The following DAB1 variants were observed in gnomAD, a reference collection of about 807,000 sequenced individuals.
DAB1 encodes DAB adaptor protein 1.
Under a neutral mutation model 64.6 loss-of-function variants are expected in DAB1, and 15 were observed. That is an observed-to-expected ratio of 0.23 (90% confidence interval 0.16 to 0.36). The LOEUF (loss-of-function observed/expected upper bound fraction) is 0.36. DAB1 is among the 10% of genes least tolerant of loss of function. The pLI is 1.00. For synonymous variants in DAB1, 235 were observed against 251.9 expected (o/e 0.93, Z 0.64); for missense variants, 596 against 706.7 (o/e 0.84, Z 1.78).
At chr1:57,208,442 G>T (rs2100317864) in intron 2 of DAB1, among the ~76,000 whole-genome samples, 1 of 152,264 alleles carries the variant, frequency 6.6e-6, no homozygotes, top group East Asian at 1.9e-4. Flanking sequence ...TTCCTGTTTA[G>T]GTACCATGGA....
At chr1:58,275,617 G>T (rs1661425045) in intron 4 of DAB1, among the ~76,000 whole-genome samples, 1 of 152,134 alleles carries the variant, frequency 6.6e-6, no homozygotes, top group Admixed American at 6.5e-5. Flanking sequence ...CAGTGAGATA[G>T]CAACTTATAC....
intron 2 of DAB1, among the ~76,000 whole-genome samples, chr1:57,166,748 C>T (rs529955782): frequency 6.6e-6 from 1 of 152,284 alleles, no homozygotes; most frequent in South Asian, 2.1e-4. Context: ...TGTAAAAGAC[C>T]TTACATCTAA....
intron 3 of DAB1, among the ~76,000 whole-genome samples, chr1:58,496,099 GTA>G (rs1010799440): frequency 2.0e-5 from 3 of 151,828 alleles, no homozygotes; most frequent in African/African-American, 7.3e-5. Context: ...ATGTACAAAT[GTA>G]TCTTTCCCAT....
rs143748682 is a variant in DAB1, at chr1:58,142,646, C to T, written n.387+7865G>A. On this transcript the variant is annotated intron_variant and non_coding_transcript_variant, in intron 5 of 20. Coordinates refer to the DAB1 transcript ENST00000485760. ...GGGAAGAAAAGGAAGAGAAGGTAAC[C>T]TTTGAATATATTTTTCTGTTCCCCT... 1.1e-4 allele frequency among the ~76,000 whole-genome samples: 17 copies of T among 152,320 alleles called. 1 individual carries two copies. The South Asian group carries it at 1.9e-3, about 17-fold the overall frequency.
At chr1:57,751,834 T>TAATG (rs1648566061) in intron 6 of DAB1, among the ~76,000 whole-genome samples, 1 of 150,786 alleles carries the variant, frequency 6.6e-6, no homozygotes. Flanking sequence ...ATTCTTTACT[T>TAATG]AATAAATAAA....
rs564494488 is a variant in DAB1, at chr1:58,008,857, A to G, written n.388-124695T>C. 5.8e-4 allele frequency among the ~76,000 whole-genome samples: 88 copies of G among 152,166 alleles called. 1 individual carries two copies. The highest frequency in any genetic ancestry group is 1.1e-3 in the Non-Finnish European group (75 of 67,994). ...TTCAAGTTTAAGTTCCAATTCTTCTACTCATTGACTCAACAACCCTGAGCA... is the reference window on the plus strand; with the variant it reads ...TTCAAGTTTAAGTTCCAATTCTTCTGCTCATTGACTCAACAACCCTGAGCA... On this transcript the variant is annotated intron_variant and non_coding_transcript_variant, in intron 5 of 20. Transcript: ENST00000485760.
chr1:58,266,032 A>G (rs1661150793), intron 4 of DAB1, among the ~76,000 whole-genome samples: 1 of 106,674 alleles, frequency 9.4e-6, no homozygotes, highest in African/African-American at 3.8e-5. Context: ...ACACACACAC[A>G]TACACCCCAC....
chr1:58,161,019 G>A (rs1030786552), intron 4 of DAB1, among the ~76,000 whole-genome samples: 16 of 150,298 alleles, frequency 1.1e-4, no homozygotes, highest in Admixed American at 7.3e-4. Flanking sequence ...CTGATGCAAC[G>A]TAAGGAATAC....
rs537533092 is a variant in DAB1, at chr1:58,519,653, C to T, written n.107+7608G>A. ...CCAGCATTCAATCAAAAATAAGCAA[C>T]GATGCCAACAAACAAGACCAAAGCC... On this transcript the variant is annotated intron_variant and non_coding_transcript_variant, in intron 2 of 20. Transcript: ENST00000485760. 4.5e-4 allele frequency among the ~76,000 whole-genome samples: 69 copies of T among 152,178 alleles called. 1 individual carries two copies. Among genetic ancestry groups the T allele is most frequent in the African/African-American group, 1.6e-3 (67 of 41,512 alleles).
intron 5 of DAB1, among the ~76,000 whole-genome samples, chr1:57,995,805 G>A (rs1426915690): frequency 6.6e-6 from 1 of 151,532 alleles, no homozygotes; most frequent in Non-Finnish European, 1.5e-5. Flanking sequence ...AATTGCTATT[G>A]AGAGTCTCAG....
chr1:58,219,738 G>A (rs184053520), intron 4 of DAB1, among the ~76,000 whole-genome samples: 1 of 152,244 alleles, frequency 6.6e-6, no homozygotes, highest in East Asian at 1.9e-4. Context: ...ACACACCCTT[G>A]GCCAGATCCA....
At chr1:58,538,048 G>A (rs1646545706) in intron 1 of DAB1, among the ~76,000 whole-genome samples, 1 of 152,146 alleles carries the variant, frequency 6.6e-6, no homozygotes, top group African/African-American at 2.4e-5. Context: ...AACACAATAA[G>A]TTACAAATAG....
chr1:58,407,465 G>C (rs1002716016), intron 3 of DAB1, among the ~76,000 whole-genome samples: 2 of 152,194 alleles, frequency 1.3e-5, no homozygotes, highest in Admixed American at 6.5e-5. Flanking sequence ...GATGATATCA[G>C]GAATGATTTG....
chr1:57,731,290 A>G (rs1017172266), intron 6 of DAB1, among the ~76,000 whole-genome samples: 5 of 152,150 alleles, frequency 3.3e-5, no homozygotes, highest in Admixed American at 2.0e-4. Flanking sequence ...AAAGACAGAC[A>G]GTGGGATGGT....
At chr1:57,481,908 GT>G (rs1383874263) in intron 7 of DAB1, among the ~76,000 whole-genome samples, 1 of 151,900 alleles carries the variant, frequency 6.6e-6, no homozygotes, top group East Asian at 1.9e-4. Context: ...CATTTCCTAA[GT>G]TTCTTTAATG....
intron 2 of DAB1, among the ~76,000 whole-genome samples, chr1:57,150,777 G>T (rs905084926): frequency 6.6e-6 from 1 of 152,110 alleles, no homozygotes; most frequent in African/African-American, 2.4e-5. Flanking sequence ...AATGTACAAG[G>T]ATATTTGGAG....
chr1:57,222,445 T>G (rs1485140810), intron 2 of DAB1, among the ~76,000 whole-genome samples: 2 of 152,154 alleles, frequency 1.3e-5, no homozygotes, highest in East Asian at 3.9e-4. Context: ...GAGGCTCAGC[T>G]GAGCTCAGGA....
chr1:57,883,309 T>A (rs1025652608), intron 1 of DAB1, among the ~76,000 whole-genome samples: 6 of 152,254 alleles, frequency 3.9e-5, no homozygotes, highest in African/African-American at 1.4e-4. Flanking sequence ...AATCTCAGGA[T>A]GTCATCCAGC....
intron 5 of DAB1, among the ~76,000 whole-genome samples, chr1:58,074,679 C>T (rs552590823): frequency 1.3e-5 from 2 of 150,440 alleles, no homozygotes; most frequent in African/African-American, 4.9e-5. Flanking sequence ...CAAGTAAACT[C>T]GTCTTCCCAG....
Sources: allele counts gnomAD v4.1 joint callset (sites outside exome capture counted in the v4.1 genomes callset), GRCh38; gene constraint gnomAD v4.1.1; transcripts MANE v1.5; gene names NCBI Gene and HGNC (gene_info 2026-07-23, HGNC 2026-07-21).